Variants in PLXDC2 observed in about 807,000 individuals in gnomAD.
PLXDC2 encodes plexin domain-containing protein 2.
A neutral mutation model predicts 68.9 loss-of-function variants in PLXDC2; 40 were observed. The observed-to-expected ratio is 0.58, with a 90% CI of 0.45 to 0.76. The LOEUF is 0.76. PLXDC2 is among the 30% of genes least tolerant of loss of function. The pLI is 0.00. For missense variants in PLXDC2, 644 were observed against 661.9 expected (o/e 0.97, Z 0.30); for synonymous variants, 243 against 234.2 (o/e 1.04, Z -0.34).
At position 19,968,608 on chromosome 10, in the gene PLXDC2, C is replaced by T. The variant is rs377206056; in HGVS notation, c.113-33167C>T. Among the ~76,000 whole-genome samples the T allele has an allele frequency of 1.7e-4, 26 of 152,254 alleles. No homozygotes were observed. The East Asian group carries it at 3.7e-3, about 21-fold the overall frequency. On this transcript the variant is annotated intron_variant, in intron 1 of 13. Coordinates refer to ENST00000377252, the MANE Select transcript of PLXDC2 (RefSeq NM_032812.9). ...GAATATAGGCATGAGCCACCGCACC[C>T]GGCCCATTTCTAAAAATCTGTTTGG...
At chr10:20,241,114 TA>T (rs1835510036) in intron 12 of PLXDC2, among the ~76,000 whole-genome samples, 1 of 128,982 alleles carries the variant, frequency 7.8e-6, no homozygotes, top group Admixed American at 8.3e-5. Context: ...TCTTGACATC[TA>T]AAGCAGAAAT....
intron 1 of PLXDC2, among the ~76,000 whole-genome samples, chr10:19,832,879 G>A (rs140107897): frequency 2.0e-5 from 3 of 152,310 alleles, no homozygotes; most frequent in African/African-American, 4.8e-5. Context: ...GACGCCAGAT[G>A]GGCTTGAGTC....
chr10:20,263,471 C>A lies in PLXDC2; in HGVS notation c.1474-16232C>A, dbSNP rs1835834255. Among the ~76,000 whole-genome samples, 3 of 152,178 alleles carry A rather than the reference C, an allele frequency of 2.0e-5. No homozygotes were observed. In the South Asian group the frequency reaches 6.2e-4, roughly 32 times the overall value. ...GGCAAAGGTTTTACAACAAAGACACCAAAAGCAATTGTAACAAAAGCAAAA... is the reference window on the plus strand; with the variant it reads ...GGCAAAGGTTTTACAACAAAGACACAAAAAGCAATTGTAACAAAAGCAAAA... On this transcript the variant is annotated intron_variant, in intron 13 of 13. Transcript: ENST00000377252.
intron 2 of PLXDC2, among the ~76,000 whole-genome samples, chr10:20,013,983 A>G (rs1375757647): frequency 6.6e-6 from 1 of 152,214 alleles, no homozygotes; most frequent in Admixed American, 6.5e-5. Flanking sequence ...GAACAAAATT[A>G]TAAGTATTCA....
chr10:19,875,170 T>C (rs1056784549), intron 1 of PLXDC2, among the ~76,000 whole-genome samples: 12 of 152,262 alleles, frequency 7.9e-5, no homozygotes, highest in African/African-American at 2.9e-4. Context: ...TAGGATCCGA[T>C]GTAGGAAGTG....
At chr10:19,974,178 C>T (rs1834409586) in intron 1 of PLXDC2, among the ~76,000 whole-genome samples, 1 of 152,188 alleles carries the variant, frequency 6.6e-6, no homozygotes, top group Non-Finnish European at 1.5e-5. Flanking sequence ...CTCAAATTAT[C>T]TAGATTATGT....
intron 4 of PLXDC2, among the ~76,000 whole-genome samples, chr10:20,115,349 T>G (rs1187768014): frequency 6.6e-6 from 1 of 152,180 alleles, no homozygotes; most frequent in Non-Finnish European, 1.5e-5. Context: ...AGCTGACCCC[T>G]TATCTAAGGC....
At chr10:19,866,318 C>A (rs1837414930) in intron 1 of PLXDC2, among the ~76,000 whole-genome samples, 1 of 152,118 alleles carries the variant, frequency 6.6e-6, no homozygotes, top group Admixed American at 6.5e-5. Flanking sequence ...TGTTTCCTTC[C>A]CTTTTGCAGC....
chr10:20,268,635 AT>A (rs1337353595), intron 13 of PLXDC2, among the ~76,000 whole-genome samples: 2 of 152,214 alleles, frequency 1.3e-5, no homozygotes, highest in Non-Finnish European at 2.9e-5. Flanking sequence ...GTCACTGCTG[AT>A]TAGACCTTAA....
In PLXDC2 at chr10:20,287,091, A is replaced by G. The variant is rs1211626925; in HGVS notation, c.*7272A>G. The stretch of plus-strand genomic sequence containing the variant: ...TTGATGACCAGCTCAAATTTAGGTC[A>G]TTCAGACATCCAGACACTGGGGCAC... On this transcript the variant is annotated 3_prime_UTR_variant, in exon 14 of 14. Transcript: ENST00000377252. 2.0e-5 allele frequency: 3 copies of G among 152,244 alleles called. No homozygotes were observed. The East Asian group carries it at 5.8e-4, about 29-fold the overall frequency. The allele number at this position is 152,244 out of a possible 1,614,324, so 9.4% of individuals were successfully genotyped here.
intron 1 of PLXDC2, among the ~76,000 whole-genome samples, chr10:19,932,786 C>T (rs147445101): frequency 1.3e-4 from 20 of 152,286 alleles, no homozygotes; most frequent in South Asian, 4.1e-4. Flanking sequence ...TGTTTGAACA[C>T]GACACTTTCC....
intron 4 of PLXDC2, among the ~76,000 whole-genome samples, chr10:20,127,788 A>C (rs1474229149): frequency 2.6e-5 from 4 of 152,144 alleles, no homozygotes; most frequent in Non-Finnish European, 5.9e-5. Context: ...CCAGGAGTTC[A>C]ACTCCAGCCT....
intron 4 of PLXDC2, among the ~76,000 whole-genome samples, chr10:20,069,511 T>G (rs973145957): frequency 1.1e-4 from 17 of 152,000 alleles, no homozygotes; most frequent in African/African-American, 4.1e-4. Flanking sequence ...TTTAAAAAAT[T>G]AACCATGGTG....
intron 4 of PLXDC2, among the ~76,000 whole-genome samples, chr10:20,115,178 A>C (rs1833606305): frequency 6.6e-6 from 1 of 152,190 alleles, no homozygotes; most frequent in African/African-American, 2.4e-5. Context: ...TGTCACCGGC[A>C]CACCCAGGAG....
At chr10:20,137,830 G>C (rs1387317764) in intron 4 of PLXDC2, among the ~76,000 whole-genome samples, 9 of 152,124 alleles carry the variant, frequency 5.9e-5, no homozygotes. Context: ...GGGTACTTCG[G>C]TTTCCTCCCA....
chr10:20,219,298 A>G (rs750717259), intron 12 of PLXDC2, among the ~76,000 whole-genome samples, 196 bp downstream of exon 12: 45 of 152,160 alleles, frequency 3.0e-4, no homozygotes, highest in Non-Finnish European at 4.6e-4. Flanking sequence ...GTGTTTGTGT[A>G]TAAAACTGTG....
At chr10:19,835,662 G>A (rs1242532865) in intron 1 of PLXDC2, among the ~76,000 whole-genome samples, 2 of 152,154 alleles carry the variant, frequency 1.3e-5, no homozygotes, top group Admixed American at 1.3e-4. Context: ...GTCTGGGAAG[G>A]GGAAACTGAG....
intron 2 of PLXDC2, among the ~76,000 whole-genome samples, chr10:20,022,883 G>C (rs1346168709): frequency 2.0e-5 from 3 of 151,892 alleles, no homozygotes; most frequent in East Asian, 3.9e-4. Context: ...ATACTTGGCA[G>C]AGTATGAGAA....
intron 1 of PLXDC2, among the ~76,000 whole-genome samples, chr10:19,918,310 C>A (rs1829011599): frequency 6.6e-6 from 1 of 152,130 alleles, no homozygotes; most frequent in African/African-American, 2.4e-5. Context: ...ATGTAATTAA[C>A]CTGGGTTGCA....
Sources: allele counts gnomAD v4.1 joint callset (sites outside exome capture counted in the v4.1 genomes callset), GRCh38; gene constraint gnomAD v4.1.1; transcripts MANE v1.5; gene names NCBI Gene and HGNC (gene_info 2026-07-23, HGNC 2026-07-21).